SLC35F1: variants seen among roughly 807,000 people sequenced by gnomAD.
SLC35F1 encodes the protein chromosome 6 open reading frame 169.
In SLC35F1, 14 loss-of-function variants were observed where a neutral mutation model predicts 48.7. The ratio of observed to expected loss-of-function variants is 0.29; its 90% CI spans 0.19 to 0.45. The LOEUF is 0.45. SLC35F1 is among the 20% of genes least tolerant of loss of function. The probability of loss-of-function intolerance (pLI) is 1.00; values close to 1 mark genes in which losing one functional copy is unlikely to be tolerated. For synonymous variants in SLC35F1, 190 were observed against 202.2 expected (o/e 0.94, Z 0.51); for missense variants, 404 against 500.0 (o/e 0.81, Z 1.83).
chr6:118,309,429 G>A (rs975807566), intron 7 of SLC35F1, among the ~76,000 whole-genome samples: 1 of 151,996 alleles, frequency 6.6e-6, no homozygotes, highest in African/African-American at 2.4e-5. Flanking sequence ...AAAAAACCAG[G>A]CCCACCATAT....
rs545970489 is a variant in SLC35F1, at chr6:118,300,130, G to A, written c.1003-13898G>A. 3.3e-5 allele frequency among the ~76,000 whole-genome samples: 5 copies of A among 152,096 alleles called. No individual in the cohort carries two copies. In the South Asian group the frequency reaches 1.0e-3, roughly 31 times the overall value. On this transcript the variant is annotated intron_variant, in intron 7 of 7. Coordinates refer to ENST00000360388, the MANE Select transcript of SLC35F1 (RefSeq NM_001029858.4). ...CAACCATGGATTGAAAATAATTAAG[G>A]GGAAAAAATTACATCTGTACTGAAC... is the stretch of plus-strand genomic sequence containing the variant.
intron 1 of SLC35F1, among the ~76,000 whole-genome samples, chr6:118,149,798 A>T (rs1376695616): frequency 6.6e-6 from 1 of 152,198 alleles, no homozygotes; most frequent in Non-Finnish European, 1.5e-5. Flanking sequence ...AAGAAACAAG[A>T]ATAGATTTGT....
intron 2 of SLC35F1, among the ~76,000 whole-genome samples, chr6:118,233,052 G>A (rs921105818): frequency 2.0e-5 from 3 of 151,610 alleles, no homozygotes; most frequent in Non-Finnish European, 2.9e-5. Flanking sequence ...TGCAACCTCC[G>A]CCTCCTGGGT....
At chr6:118,206,861 C>T (rs1216600634) in intron 2 of SLC35F1, among the ~76,000 whole-genome samples, 1 of 152,144 alleles carries the variant, frequency 6.6e-6, no homozygotes, top group African/African-American at 2.4e-5. Context: ...CCTGCTGAAG[C>T]TCTTAGCATT....
intron 1 of SLC35F1, among the ~76,000 whole-genome samples, chr6:118,000,663 C>T (rs1777078209): frequency 6.6e-6 from 1 of 152,222 alleles, no homozygotes; most frequent in Non-Finnish European, 1.5e-5. Context: ...CAAATTGTCC[C>T]TGTTTGCAGA....
In SLC35F1 at chr6:118,039,796, A is replaced by ATTTTTTT. The variant is rs1312799873; in HGVS notation, c.174-114647_174-114646insTTTTTTT. 4.1e-4 allele frequency among the ~76,000 whole-genome samples: 23 copies of ATTTTTTT among 55,902 alleles called. 1 individual carries two copies. The highest frequency in any genetic ancestry group is 1.0e-3 in the African/African-American group (22 of 21,560). The allele number at this position is 55,902 out of a possible 152,430, so 36.7% of individuals were successfully genotyped here. On this transcript the variant is annotated intron_variant, in intron 1 of 7. Coordinates refer to ENST00000360388, the MANE Select transcript of SLC35F1 (RefSeq NM_001029858.4). Reference sequence around the variant, plus strand: ...AATTTTAACATCTAAGCATCTCAGGATTGTTTTTTTTGTTTTTTTTTTTTG... The same window carrying ATTTTTTT: ...AATTTTAACATCTAAGCATCTCAGGATTTTTTTTTGTTTTTTTTGTTTTTTTTTTTTG...
intron 1 of SLC35F1, among the ~76,000 whole-genome samples, chr6:118,132,618 T>C (rs1773731464): frequency 6.6e-6 from 1 of 152,224 alleles, no homozygotes; most frequent in African/African-American, 2.4e-5. Context: ...ATTATTGTTA[T>C]TGTCACTGTA....
intron 1 of SLC35F1, among the ~76,000 whole-genome samples, chr6:118,034,152 G>A (rs939782775): frequency 3.9e-5 from 6 of 152,142 alleles, no homozygotes; most frequent in Non-Finnish European, 5.9e-5. Flanking sequence ...TAAAGACAGA[G>A]TGTAAATATT....
chr6:118,272,583 AT>A (rs200221314), intron 4 of SLC35F1, among the ~76,000 whole-genome samples: 1 of 151,638 alleles, frequency 6.6e-6, no homozygotes, highest in East Asian at 1.9e-4. Flanking sequence ...CTAGATACAA[AT>A]TTTTTTTCTG....
chr6:118,201,928 A>G (rs1427534610), intron 2 of SLC35F1, among the ~76,000 whole-genome samples: 1 of 152,228 alleles, frequency 6.6e-6, no homozygotes, highest in Admixed American at 6.5e-5. Flanking sequence ...TCCATTTTGT[A>G]GCATGTATTA....
At chr6:117,928,255 A>G in intron 1 of SLC35F1, among the ~76,000 whole-genome samples, 1 of 152,178 alleles carries the variant, frequency 6.6e-6, no homozygotes, top group Non-Finnish European at 1.5e-5. Flanking sequence ...GATGGAGGAA[A>G]GAGATGGCGG....
At chr6:118,268,029 T>TA (rs1416317164) in intron 4 of SLC35F1, among the ~76,000 whole-genome samples, 1 of 152,188 alleles carries the variant, frequency 6.6e-6, no homozygotes, top group Non-Finnish European at 1.5e-5. Context: ...AATTAGATGA[T>TA]AAAGAGTCAA....
At chr6:117,998,986 C>G in intron 1 of SLC35F1, 1 of 1,201,580 alleles carries the variant, frequency 8.3e-7, no homozygotes, top group South Asian at 1.2e-5. Context: ...TGGCCAAGTC[C>G]AAGAACCACA....
intron 2 of SLC35F1, among the ~76,000 whole-genome samples, chr6:118,216,152 AC>A (rs1482880873): frequency 2.7e-5 from 4 of 148,862 alleles, no homozygotes; most frequent in Non-Finnish European, 5.9e-5. Flanking sequence ...ATCACAGTTC[AC>A]TGCAACCTTG....
At chr6:117,928,690 G>A (rs958273242) in intron 1 of SLC35F1, among the ~76,000 whole-genome samples, 4 of 152,090 alleles carry the variant, frequency 2.6e-5, no homozygotes, top group African/African-American at 7.2e-5. Context: ...GATTCCAGAC[G>A]TAGGTCTTTG....
At chr6:117,981,986 A>G (rs1214765066) in intron 1 of SLC35F1, among the ~76,000 whole-genome samples, 3 of 152,206 alleles carry the variant, frequency 2.0e-5, no homozygotes, top group African/African-American at 7.2e-5. Flanking sequence ...CTGACAAGCT[A>G]GGCATTGCAT....
chr6:118,243,548 C>T (rs934613593), intron 3 of SLC35F1, among the ~76,000 whole-genome samples: 2 of 152,186 alleles, frequency 1.3e-5, no homozygotes, highest in Non-Finnish European at 2.9e-5. Context: ...ACTTAGAATA[C>T]AATACAGTAA....
intron 1 of SLC35F1, among the ~76,000 whole-genome samples, chr6:118,093,007 G>A (rs1486964180): frequency 6.6e-6 from 1 of 152,158 alleles, no homozygotes; most frequent in Non-Finnish European, 1.5e-5. Context: ...CTGTTGGAAA[G>A]GCATGATTGT....
intron 1 of SLC35F1, among the ~76,000 whole-genome samples, chr6:118,139,238 G>A (rs932163388): frequency 3.9e-5 from 6 of 151,970 alleles, no homozygotes; most frequent in Admixed American, 2.6e-4. Flanking sequence ...TCAGCCTCCC[G>A]AGTAGCTGGG....
Sources: gnomAD v4.1 joint callset for allele counts (sites outside exome capture counted in the v4.1 genomes callset) on GRCh38, gnomAD v4.1.1 for gene constraint, MANE v1.5 for transcripts, NCBI Gene and HGNC (gene_info 2026-07-23, HGNC 2026-07-21) for gene names.